Variants in PARN observed in about 807,000 individuals in gnomAD.
PARN encodes the protein poly(A)-specific ribonuclease.
A neutral mutation model predicts 102.8 loss-of-function variants in PARN; 71 were observed. The observed-to-expected ratio is 0.69, with a 90% confidence interval of 0.57 to 0.84. The LOEUF is 0.84. Ranked by LOEUF, PARN falls within the 40% of genes least tolerant of loss-of-function variation. PARN has a pLI of 0.00. For synonymous variants in PARN, 261 were observed against 252.9 expected (o/e 1.03, Z -0.30); for missense variants, 782 against 760.9 (o/e 1.03, Z -0.33).
chr16:14,559,477 G>C (rs959092684), intron 18 of PARN, among the ~76,000 whole-genome samples: 3 of 151,746 alleles, frequency 2.0e-5, no homozygotes, highest in Non-Finnish European at 4.4e-5. Flanking sequence ...GAGATGTTTG[G>C]ATAGAGGCAT....
At chr16:14,560,219 G>A (rs1967966821) in intron 18 of PARN, among the ~76,000 whole-genome samples, 1 of 152,186 alleles carries the variant, frequency 6.6e-6, no homozygotes, top group South Asian at 2.1e-4. Flanking sequence ...GACATGAAAG[G>A]ATGTTCCATC....
intron 23 of PARN, among the ~76,000 whole-genome samples, chr16:14,444,492 T>C (rs1294664773): frequency 1.3e-5 from 2 of 152,236 alleles, no homozygotes; most frequent in Non-Finnish European, 2.9e-5. Context: ...ATGAAAGCTA[T>C]AAAAGGAACT....
chr16:14,556,536 A>G (rs566686536), intron 18 of PARN, among the ~76,000 whole-genome samples: 4 of 152,332 alleles, frequency 2.6e-5, no homozygotes, highest in Admixed American at 2.6e-4. Context: ...ACAAATAGAA[A>G]AAACAAACAA....
chr16:14,603,797 G>A (rs1034357742), intron 11 of PARN, among the ~76,000 whole-genome samples: 4 of 152,176 alleles, frequency 2.6e-5, no homozygotes, highest in Non-Finnish European at 4.4e-5. Context: ...CATGTGCTCT[G>A]AACTTGGTTT....
intron 21 of PARN, among the ~76,000 whole-genome samples, chr16:14,486,152 C>T (rs1013805024): frequency 3.3e-5 from 5 of 152,020 alleles, no homozygotes; most frequent in African/African-American, 9.7e-5. Context: ...CCCAGGGGTT[C>T]GAGACCAGCC....
intron 16 of PARN, among the ~76,000 whole-genome samples, chr16:14,583,907 G>A (rs773041686): frequency 6.6e-6 from 1 of 152,184 alleles, no homozygotes; most frequent in Non-Finnish European, 1.5e-5. Flanking sequence ...AGCTGAAAAG[G>A]AGGCAGGGTG....
At chr16:14,482,284 A>C (rs1395023085) in intron 22 of PARN, among the ~76,000 whole-genome samples, 1 of 151,978 alleles carries the variant, frequency 6.6e-6, no homozygotes, top group Non-Finnish European at 1.5e-5. Context: ...AGTGCCAGCT[A>C]CTCAGGTTGA....
At chr16:14,478,226 T>C (rs1368971748) in intron 22 of PARN, among the ~76,000 whole-genome samples, 3 of 152,054 alleles carry the variant, frequency 2.0e-5, no homozygotes, top group Non-Finnish European at 4.4e-5. Context: ...TGAGGTGGGA[T>C]GATCCCTTGA....
Position 14,584,329 on chromosome 16 carries a change from C to A in PARN, c.1081+18G>T. 1 of 1,561,594 alleles carries A rather than the reference C, an allele frequency of 6.4e-7. No homozygotes were observed. Among genetic ancestry groups the A allele is most frequent in the Non-Finnish European group, 8.8e-7 (1 of 1,132,792 alleles). On this transcript the variant is annotated intron_variant, in intron 16 of 23. Coordinates refer to ENST00000437198, the MANE Select transcript of PARN (RefSeq NM_002582.4). ...TTATTACAAAGAGTTTGGAGGGTTT[C>A]CGGTTTAATATTCTTACCAACTTTA...
chr16:14,558,589 T>C (rs1967856145), intron 18 of PARN: 1 of 152,018 alleles, frequency 6.6e-6, no homozygotes, highest in Non-Finnish European at 1.5e-5. Context: ...TGCTATACCA[T>C]CAAATATGCC....
chr16:14,554,713 G>A (rs934281509), intron 19 of PARN, among the ~76,000 whole-genome samples: 1 of 150,984 alleles, frequency 6.6e-6, no homozygotes, highest in African/African-American at 2.4e-5. Flanking sequence ...AAAAGTGCTG[G>A]AATTACAAGC....
At chr16:14,539,985 T>C (rs1966780400) in intron 21 of PARN, among the ~76,000 whole-genome samples, 1 of 152,228 alleles carries the variant, frequency 6.6e-6, no homozygotes, top group South Asian at 2.1e-4. Flanking sequence ...TTTTTAAGTA[T>C]ACAGGAGGAT....
In PARN at chr16:14,555,697, C is replaced by A; in HGVS notation, c.1275G>T (p.Met425Ile). 1 of 1,479,664 alleles carries A rather than the reference C, an allele frequency of 6.8e-7. No individual in the cohort carries two copies. Among genetic ancestry groups the A allele is most frequent in the South Asian group, 1.3e-5 (1 of 75,792 alleles). 91.7% of individuals were successfully genotyped at this position (1,479,664 alleles called of 1,614,324 possible). A position where few individuals can be genotyped will look rare whatever the true frequency, so the allele number is the denominator to read the frequency against. ...TTAGATAGGGGATATCCATGACCCTCATAAGAAATAACCTACAAGAAGAAA... is the reference window on the plus strand; with the variant it reads ...TTAGATAGGGGATATCCATGACCCTAATAAGAAATAACCTACAAGAAGAAA... ...IEPFFNKLFL[M>I]RVMDIPYLNL... Residue 425 changes from methionine (M) to isoleucine (I), a missense_variant, in exon 19 of 24, where the codon ATG becomes ATT. By Grantham distance (10) the Met-to-Ile change is conservative. Coordinates refer to ENST00000437198, the MANE Select transcript of PARN (RefSeq NM_002582.4).
At chr16:14,508,035 T>C (rs1475061143) in intron 21 of PARN, among the ~76,000 whole-genome samples, 2 of 152,236 alleles carry the variant, frequency 1.3e-5, no homozygotes, top group East Asian at 1.9e-4. Flanking sequence ...TATGCCAGAA[T>C]GTTATCATAA....
At chr16:14,486,314 C>G (rs979828733) in intron 21 of PARN, among the ~76,000 whole-genome samples, 1 of 152,124 alleles carries the variant, frequency 6.6e-6, no homozygotes, top group Admixed American at 6.5e-5. Flanking sequence ...CTGCAGTGAG[C>G]CACGATTGCA....
intron 12 of PARN, among the ~76,000 whole-genome samples, chr16:14,597,639 G>A (rs1213649792): frequency 6.6e-6 from 1 of 151,804 alleles, no homozygotes; most frequent in East Asian, 1.9e-4. Flanking sequence ...AGAGCTTGCA[G>A]TACGCCAAGA....
chr16:14,598,226 A>T (rs1442728521), intron 12 of PARN, among the ~76,000 whole-genome samples: 1 of 152,118 alleles, frequency 6.6e-6, no homozygotes, highest in Non-Finnish European at 1.5e-5. Context: ...AAGACTCAAA[A>T]ATTTTAAATG....
intron 21 of PARN, among the ~76,000 whole-genome samples, chr16:14,532,544 G>A (rs1028261641): frequency 2.0e-4 from 31 of 152,174 alleles, no homozygotes; most frequent in African/African-American, 7.2e-4. Flanking sequence ...AGAGCAAAAC[G>A]AAAAGTCTCC....
Position 14,534,931 on chromosome 16 carries a change from T to C in PARN, c.1480+17090A>G, listed in dbSNP as rs565166884. 6.2e-4 allele frequency among the ~76,000 whole-genome samples: 94 copies of C among 150,452 alleles called. 2 individuals are homozygous for C. The highest frequency in any genetic ancestry group is 1.5e-3 in the South Asian group (7 of 4,744). On this transcript the variant is annotated intron_variant, in intron 21 of 23. Coordinates refer to ENST00000437198, the MANE Select transcript of PARN (RefSeq NM_002582.4). ...CTCACCACAACCTCCACCTCCCGGG[T>C]CCAAGCGATTCTCCTGCCTCAGCCT...
Sources: allele counts gnomAD v4.1 joint callset (sites outside exome capture counted in the v4.1 genomes callset), GRCh38; gene constraint gnomAD v4.1.1; transcripts MANE v1.5; gene names NCBI Gene and HGNC (gene_info 2026-07-23, HGNC 2026-07-21).